The following PTPRN2 variants were observed in gnomAD, a reference collection of about 807,000 sequenced individuals.
PTPRN2 encodes protein tyrosine phosphatase receptor type N2, also known as receptor-type tyrosine-protein phosphatase N2.
Under a neutral mutation model 118.8 loss-of-function variants are expected in PTPRN2, and 74 were observed. The ratio of observed to expected loss-of-function variants is 0.62; its 90% confidence interval spans 0.52 to 0.76. The LOEUF (loss-of-function observed/expected upper bound fraction) is 0.76, where lower values mean the gene tolerates loss of function less well. PTPRN2 is among the 30% of genes least tolerant of loss of function. The pLI, the probability that PTPRN2 is intolerant of heterozygous loss-of-function variation, is 0.00. For missense variants in PTPRN2, 1,481 were observed against 1,394.4 expected (o/e 1.06, Z -0.99); for synonymous variants, 641 against 608.0 (o/e 1.05, Z -0.80).
intron 2 of PTPRN2, among the ~76,000 whole-genome samples, chr7:158,431,539 G>A (rs1394885387): frequency 6.9e-6 from 1 of 145,016 alleles, no homozygotes; most frequent in Non-Finnish European, 1.5e-5. Flanking sequence ...GGCTCACATC[G>A]AGCACACACT....
At chr7:158,495,161 A>C (rs988746921) in intron 1 of PTPRN2, among the ~76,000 whole-genome samples, 1 of 152,140 alleles carries the variant, frequency 6.6e-6, no homozygotes, top group South Asian at 2.1e-4. Flanking sequence ...GCCAGAGCCC[A>C]TCCCAGATGT....
rs527387310 is a variant in PTPRN2, at chr7:158,207,671, G to C, written c.278-2398C>G. Among the ~76,000 whole-genome samples, 4 of 152,262 alleles carry C rather than the reference G, an allele frequency of 2.6e-5. No homozygotes were observed. In the South Asian group the frequency reaches 8.3e-4, roughly 32 times the overall value. On this transcript the variant is annotated intron_variant, in intron 3 of 22. Coordinates refer to ENST00000389418, the MANE Select transcript of PTPRN2 (RefSeq NM_002847.5). ...ATACCTGGAAAGCCTTCCCAAGAAG[G>C]ATGAATACAAACAAGCCGAGATTTT...
rs917556377 is a variant in PTPRN2 at position 157,653,169 on chromosome 7, C to G, written c.2196+3188G>C. 2.6e-5 allele frequency among the ~76,000 whole-genome samples: 4 copies of G among 152,358 alleles called. 1 individual carries two copies. The highest frequency in any genetic ancestry group is 2.6e-4 in the Admixed American group (4 of 15,308). On this transcript the variant is annotated intron_variant, in intron 14 of 22. Transcript: ENST00000389418. ...TGGGGCTCCTCACATCTAGCTTGGC[C>G]TCCAGACATCACCAACCTCTGCTGT...
intron 11 of PTPRN2, among the ~76,000 whole-genome samples, chr7:157,935,940 G>A (rs559610542): frequency 6.4e-5 from 9 of 140,772 alleles, no homozygotes; most frequent in Admixed American, 3.6e-4. Context: ...CATCTGTGTC[G>A]CTCCCTCAGG....
chr7:157,696,209 TC>T (rs1393710942), intron 12 of PTPRN2, among the ~76,000 whole-genome samples: 1 of 144,414 alleles, frequency 6.9e-6, no homozygotes, highest in Non-Finnish European at 1.5e-5. Context: ...GCACACTGGG[TC>T]TTGGCAGAGC....
chr7:157,848,634 C>T (rs1224068873), intron 12 of PTPRN2, among the ~76,000 whole-genome samples: 1 of 152,256 alleles, frequency 6.6e-6, no homozygotes, highest in Admixed American at 6.5e-5. Context: ...AGCCACAGAG[C>T]TTGCCAGGAG....
intron 2 of PTPRN2, among the ~76,000 whole-genome samples, chr7:158,423,843 G>A (rs2129424383): frequency 6.6e-6 from 1 of 152,110 alleles, no homozygotes; most frequent in South Asian, 2.1e-4. Context: ...GAGAAACTGG[G>A]ACATTACAGT....
chr7:157,683,479 G>C (rs1206909262), intron 12 of PTPRN2, among the ~76,000 whole-genome samples: 1 of 152,164 alleles, frequency 6.6e-6, no homozygotes, highest in Non-Finnish European at 1.5e-5. Flanking sequence ...CAGGGGATTT[G>C]GATCCACCTG....
At chr7:158,154,084 T>A (rs1287257911) in intron 6 of PTPRN2, among the ~76,000 whole-genome samples, 4 of 152,166 alleles carry the variant, frequency 2.6e-5, no homozygotes, top group Non-Finnish European at 4.4e-5. Flanking sequence ...CACACTGCCA[T>A]GTTTGGTCTT....
At chr7:158,107,960 G>A (rs987488693) in intron 10 of PTPRN2, among the ~76,000 whole-genome samples, 3 of 150,364 alleles carry the variant, frequency 2.0e-5, no homozygotes, top group African/African-American at 7.4e-5. Context: ...GCAACTTGAT[G>A]CACCTGCCCC....
At chr7:158,464,904 G>A (rs1819284176) in intron 2 of PTPRN2, among the ~76,000 whole-genome samples, 1 of 152,202 alleles carries the variant, frequency 6.6e-6, no homozygotes, top group Non-Finnish European at 1.5e-5. Context: ...CAGATTCTGT[G>A]CTACACCCTT....
intron 11 of PTPRN2, among the ~76,000 whole-genome samples, chr7:158,049,855 A>G (rs796673120): frequency 2.0e-5 from 3 of 152,204 alleles, no homozygotes; most frequent in African/African-American, 7.2e-5. Context: ...GTGAACCAAG[A>G]TCGCACCATT....
At position 158,422,316 on chromosome 7, in the gene PTPRN2, G is replaced by A. The variant is rs567221551; in HGVS notation, c.163+67419C>T. On this transcript the variant is annotated intron_variant, in intron 2 of 22. Transcript: ENST00000389418. ...GCAAAAGGCTTGAACTCTTTGGCCA[G>A]CTTGGTTGGGGAGAGCTGGAATGGC... is the stretch of plus-strand genomic sequence containing the variant. 2.0e-5 allele frequency among the ~76,000 whole-genome samples: 3 copies of A among 152,320 alleles called. No individual in the cohort carries two copies. In the South Asian group the frequency reaches 6.2e-4, roughly 32 times the overall value.
At chr7:158,071,248 GTA>G (rs1491386972) in intron 11 of PTPRN2, among the ~76,000 whole-genome samples, 63 of 62,552 alleles carry the variant, frequency 1.0e-3, no homozygotes, top group Non-Finnish European at 1.5e-3. Flanking sequence ...GGTGCTCGTA[GTA>G]TGGAGGTGCC....
At chr7:157,563,812 G>T (rs542000717) in intron 21 of PTPRN2, among the ~76,000 whole-genome samples, 1 of 149,246 alleles carries the variant, frequency 6.7e-6, no homozygotes, top group Admixed American at 6.7e-5. Context: ...TCAGGACCAC[G>T]TGCTCCCACG....
At chr7:157,552,682 T>A (rs1798690923) in intron 21 of PTPRN2, among the ~76,000 whole-genome samples, 2 of 152,310 alleles carry the variant, frequency 1.3e-5, no homozygotes, top group South Asian at 4.1e-4. Flanking sequence ...TTTAAGAAAT[T>A]TTCCCAAAAC....
At chr7:157,579,494 A>C (rs1290980792) in intron 17 of PTPRN2, among the ~76,000 whole-genome samples, 2 of 152,216 alleles carry the variant, frequency 1.3e-5, no homozygotes, top group Non-Finnish European at 2.9e-5. Context: ...GCCATTACGA[A>C]AATGAGGAGA....
At chr7:157,792,026 G>C (rs978074567) in intron 12 of PTPRN2, among the ~76,000 whole-genome samples, 2 of 152,248 alleles carry the variant, frequency 1.3e-5, no homozygotes, top group African/African-American at 4.8e-5. Flanking sequence ...TGCCCGGAGA[G>C]CCTGTCCTTC....
At chr7:157,943,112 A>G (rs887597611) in intron 11 of PTPRN2, among the ~76,000 whole-genome samples, 2 of 152,198 alleles carry the variant, frequency 1.3e-5, no homozygotes, top group African/African-American at 4.8e-5. Flanking sequence ...TGTAGCTACC[A>G]CTATTCACTG....
Sources: gnomAD v4.1 joint callset for allele counts (sites outside exome capture counted in the v4.1 genomes callset) on GRCh38, gnomAD v4.1.1 for gene constraint, MANE v1.5 for transcripts, NCBI Gene and HGNC (gene_info 2026-07-23, HGNC 2026-07-21) for gene names.